Variants in MAGI2 observed in about 807,000 individuals in gnomAD.
The protein encoded by MAGI2 is membrane associated guanylate kinase, WW and PDZ domain containing 2.
A neutral mutation model predicts 133.3 loss-of-function variants in MAGI2; 35 were observed. The ratio of observed to expected loss-of-function variants is 0.26; its 90% confidence interval spans 0.20 to 0.35. MAGI2 has a LOEUF of 0.35. Among genes scored for constraint, MAGI2 ranks in the 10% least tolerant of loss-of-function variants. The pLI is 1.00. For synonymous variants in MAGI2, 729 were observed against 710.6 expected (o/e 1.03, Z -0.41); for missense variants, 1,636 against 1,863.4 (o/e 0.88, Z 2.25).
chr7:79,286,058 G>A (rs1835974038), intron 1 of MAGI2, among the ~76,000 whole-genome samples: 1 of 151,910 alleles, frequency 6.6e-6, no homozygotes, highest in African/African-American at 2.4e-5. Context: ...AGCATGTGTT[G>A]GAAACAACTA....
intron 2 of MAGI2, among the ~76,000 whole-genome samples, chr7:78,799,286 A>G (rs1194564186): frequency 6.6e-6 from 1 of 152,178 alleles, no homozygotes; most frequent in African/African-American, 2.4e-5. Flanking sequence ...AAGCATTGCA[A>G]ACACAAAATT....
At chr7:78,643,455 T>C (rs1212198503) in intron 2 of MAGI2, among the ~76,000 whole-genome samples, 1 of 152,108 alleles carries the variant, frequency 6.6e-6, no homozygotes, top group East Asian at 1.9e-4. Flanking sequence ...CCTTTACAAG[T>C]CACATAATAG....
chr7:79,186,807 A>G (rs1479989547), intron 1 of MAGI2, among the ~76,000 whole-genome samples: 3 of 147,980 alleles, frequency 2.0e-5, no homozygotes, highest in Non-Finnish European at 4.5e-5. Flanking sequence ...ATATATATAA[A>G]CATAGGATAC....
intron 1 of MAGI2, among the ~76,000 whole-genome samples, chr7:79,281,659 T>G (rs1293668633): frequency 6.6e-6 from 1 of 152,156 alleles, no homozygotes; most frequent in African/African-American, 2.4e-5. Context: ...TCAAAGGACG[T>G]CTGGGTAAAA....
chr7:79,263,823 A>G lies in MAGI2; in HGVS notation c.301+189197T>C, dbSNP rs1834248538. Among the ~76,000 whole-genome samples, 3 of 152,322 alleles carry G rather than the reference A, an allele frequency of 2.0e-5. No homozygotes were observed. In the South Asian group the frequency reaches 6.2e-4, roughly 32 times the overall value. The stretch of plus-strand genomic sequence containing the variant: ...TAAAAATTAATTGTATAGTAGCCAT[A>G]TGAGATGTAGGAAATTACATTGATA... On this transcript the variant is annotated intron_variant, in intron 1 of 21. Coordinates refer to ENST00000354212, the MANE Select transcript of MAGI2 (RefSeq NM_012301.4).
At chr7:78,082,996 T>C (rs1161649965) in intron 20 of MAGI2, among the ~76,000 whole-genome samples, 1 of 143,890 alleles carries the variant, frequency 6.9e-6, no homozygotes, top group African/African-American at 2.6e-5. Context: ...TATAAGAAGA[T>C]CGACTTATCG....
At chr7:78,541,171 G>T (rs560792440) in intron 3 of MAGI2, among the ~76,000 whole-genome samples, 2 of 152,090 alleles carry the variant, frequency 1.3e-5, no homozygotes, top group South Asian at 2.1e-4. Context: ...GCTGTGGGCT[G>T]GCAACACCAG....
At chr7:79,258,802 G>T (rs571009172) in intron 1 of MAGI2, among the ~76,000 whole-genome samples, 18 of 152,162 alleles carry the variant, frequency 1.2e-4, no homozygotes, top group Non-Finnish European at 2.5e-4. Flanking sequence ...GCAAAAAAAA[G>T]GAATTACTCT....
At chr7:78,158,667 A>C (rs887426506) in intron 16 of MAGI2, among the ~76,000 whole-genome samples, 1 of 152,186 alleles carries the variant, frequency 6.6e-6, no homozygotes. Context: ...AACTTTGAGA[A>C]GGAATTCAGT....
intron 9 of MAGI2, among the ~76,000 whole-genome samples, chr7:78,324,170 C>CACTACACTACACTACACTACACTACACT (rs77844311): frequency 4.9e-4 from 63 of 127,280 alleles, no homozygotes; most frequent in Middle Eastern, 7.6e-3. Flanking sequence ...CACTACACTA[C>CACTACACTACACTACACTACACTACACT]ACACTACACT....
intron 2 of MAGI2, among the ~76,000 whole-genome samples, chr7:78,817,540 C>G (rs1472463231): frequency 6.6e-6 from 1 of 152,168 alleles, no homozygotes; most frequent in Non-Finnish European, 1.5e-5. Flanking sequence ...CAACACCACT[C>G]TGATCAGTTA....
intron 1 of MAGI2, among the ~76,000 whole-genome samples, chr7:79,134,660 A>G (rs1821215931): frequency 6.6e-6 from 1 of 152,236 alleles, no homozygotes; most frequent in Admixed American, 6.5e-5. Context: ...ATTGAAAATA[A>G]CCAATGAATT....
rs138950842 is a variant in MAGI2 at position 78,067,107 on chromosome 7, C to A, written c.3706+11840G>T. ...AGAACCTCTGGAGGGTAAGGAAGCA[C>A]ATGCTTAACAATAAATGTCAGAAGT... On this transcript the variant is annotated intron_variant, in intron 21 of 21. Coordinates refer to ENST00000354212, the MANE Select transcript of MAGI2 (RefSeq NM_012301.4). Among the ~76,000 whole-genome samples the A allele has an allele frequency of 5.2e-3, 794 of 152,296 alleles. 3 individuals are homozygous for A. The highest frequency in any genetic ancestry group is 0.018 in the African/African-American group (755 of 41,548).
chr7:78,429,363 C>T lies in MAGI2; in HGVS notation c.1046-60150G>A, dbSNP rs117430222. Among the ~76,000 whole-genome samples the T allele has an allele frequency of 8.4e-3, 1,265 of 151,174 alleles. 19 individuals are homozygous for T. Among genetic ancestry groups the T allele is most frequent in the East Asian group, 0.049 (253 of 5,150 alleles). ...CAATTCCAAGCATTTGTGAGATGGC[C>T]TCCTGGGGTCAGAGGTAGGCTGAGG... is the stretch of plus-strand genomic sequence containing the variant. On this transcript the variant is annotated intron_variant, in intron 6 of 21. Transcript: ENST00000354212.
chr7:78,512,387 T>C (rs1464056257), intron 4 of MAGI2, among the ~76,000 whole-genome samples: 4 of 152,064 alleles, frequency 2.6e-5, no homozygotes, highest in African/African-American at 9.7e-5. Flanking sequence ...GAAGAAATGA[T>C]TTATATATGT....
chr7:78,047,434 T>C (rs776411512), intron 21 of MAGI2, among the ~76,000 whole-genome samples: 48 of 152,144 alleles, frequency 3.2e-4, no homozygotes, highest in Admixed American at 1.8e-3. Context: ...CCTTCTTGGA[T>C]TTTCTAATGA....
At chr7:79,257,672 T>A (rs754510249) in intron 1 of MAGI2, among the ~76,000 whole-genome samples, 6 of 152,202 alleles carry the variant, frequency 3.9e-5, no homozygotes, top group Non-Finnish European at 5.9e-5. Context: ...TGAAAGGATA[T>A]GGCAAAGTTA....
At chr7:78,375,384 C>T (rs867008710) in intron 6 of MAGI2, among the ~76,000 whole-genome samples, 1 of 152,060 alleles carries the variant, frequency 6.6e-6, no homozygotes, top group South Asian at 2.1e-4. Flanking sequence ...GGCCACAAAG[C>T]ATTGGTTATG....
At chr7:78,066,662 T>A (rs537212058) in intron 21 of MAGI2, among the ~76,000 whole-genome samples, 3 of 152,290 alleles carry the variant, frequency 2.0e-5, no homozygotes, top group African/African-American at 7.2e-5. Flanking sequence ...GTTCTTTACC[T>A]ATACAAAGAT....
Sources: gnomAD v4.1 joint callset for allele counts (sites outside exome capture counted in the v4.1 genomes callset) on GRCh38, gnomAD v4.1.1 for gene constraint, MANE v1.5 for transcripts, NCBI Gene and HGNC (gene_info 2026-07-23, HGNC 2026-07-21) for gene names.